Variants in AMPD3 observed in about 807,000 individuals in gnomAD.
AMPD3 encodes the protein AMP deaminase 3.
Under a neutral mutation model 82.3 loss-of-function variants are expected in AMPD3, and 57 were observed. The observed-to-expected ratio is 0.69, with a 90% CI of 0.56 to 0.86. The LOEUF is 0.86. Among genes scored for constraint, AMPD3 ranks in the 40% least tolerant of loss-of-function variants. The pLI, the probability that AMPD3 is intolerant of heterozygous loss-of-function variation, is 0.00. For synonymous variants in AMPD3, 381 were observed against 394.7 expected, an observed-to-expected ratio of 0.97 and a Z score of 0.41; for missense variants, 870 against 1,003.8, an observed-to-expected ratio of 0.87 and a Z score of 1.80.
At chr11:10,494,704 C>T in intron 7 of AMPD3, 195 bp from the exon 8 acceptor site, 5 of 985,352 alleles carry the variant, frequency 5.1e-6, no homozygotes, top group Non-Finnish European at 6.0e-6. Context: ...GGGGCCTTGC[C>T]AAAGGATCCC....
At chr11:10,464,070 G>A (rs1157343044) in intron 2 of AMPD3, among the ~76,000 whole-genome samples, 1 of 152,180 alleles carries the variant, frequency 6.6e-6, no homozygotes, top group Admixed American at 6.5e-5. Flanking sequence ...TCTATAAAGT[G>A]GAGATGCTAA....
At chr11:10,484,789 C>T in intron 4 of AMPD3, 31 bp from the exon 5 acceptor site, 2 of 1,609,624 alleles carry the variant, frequency 1.2e-6, no homozygotes, top group Non-Finnish European at 1.7e-6. Flanking sequence ...AGGTCAGGGG[C>T]ACTTTGCCAT....
intron 5 of AMPD3, 26 bp from the exon 6 acceptor site, chr11:10,487,208 TG>T: frequency 6.2e-7 from 1 of 1,613,770 alleles, no homozygotes; most frequent in Non-Finnish European, 8.5e-7. Flanking sequence ...GACTCAACTA[TG>T]GTCTCTCCCC....
chr11:10,475,180 T>C (rs1848702826), intron 2 of AMPD3, among the ~76,000 whole-genome samples: 1 of 152,086 alleles, frequency 6.6e-6, no homozygotes, highest in African/African-American at 2.4e-5. Flanking sequence ...GCGTCTTACA[T>C]GGTGGGAGCA....
rs200399571 is a variant in AMPD3, at chr11:10,505,865, T to C, written c.2285T>C (p.Ile762Thr). The C allele has an allele frequency of 6.2e-6, 10 of 1,614,120 alleles. No individual in the cohort carries two copies. The East Asian group carries it at 2.2e-4, about 36-fold the overall frequency. The change falls in exon 15 of 15, where the codon ATC becomes ACC. Residue 762 changes from isoleucine (I) to threonine (T), a missense_variant. By Grantham distance (89) the Ile-to-Thr change is moderately conservative. Coordinates refer to ENST00000396553, the MANE Select transcript of AMPD3 (RefSeq NM_001025389.2). The part of the protein sequence containing the change: ...FLSDAMKSEE[I>T]TALTN ...TCTGATGCTATGAAATCAGAAGAGA[T>C]CACCGCCTTGACCAACTAGGTCCAG...
Position 10,456,528 on chromosome 11 carries a change from C to T in AMPD3, c.-6+1080C>T. The T allele has an allele frequency of 6.2e-7, 1 of 1,605,080 alleles. No individual in the cohort carries two copies. The highest frequency in any genetic ancestry group is 8.5e-7 in the Non-Finnish European group (1 of 1,175,502). The stretch of plus-strand genomic sequence containing the variant: ...GGGACTGTGGCACCATGAAAAGTTA[C>T]TGTTTGTTGAAACTGGCAGTGTTTT... On this transcript the variant is annotated intron_variant, in intron 1 of 14. Transcript: ENST00000396553. This position sits in a 1 kb window ranked among gnomAD's most constrained non-coding sequence, Gnocchi z 4.3.
At chr11:10,469,423 A>T (rs1471725724) in intron 2 of AMPD3, among the ~76,000 whole-genome samples, 1 of 152,234 alleles carries the variant, frequency 6.6e-6, no homozygotes, top group East Asian at 1.9e-4. Context: ...CTGGATGCAT[A>T]CACTCTCCCA....
At chr11:10,493,248 A>G (rs1849291503) in intron 6 of AMPD3, 101 bp from the exon 7 acceptor site, 1 of 1,392,324 alleles carries the variant, frequency 7.2e-7, no homozygotes, top group Non-Finnish European at 1.0e-6. Flanking sequence ...CGGATGGCCC[A>G]TGAGGTGCTG....
intron 13 of AMPD3, 38 bp from the exon 14 acceptor site, chr11:10,504,511 C>A (rs773058012): frequency 6.4e-7 from 1 of 1,574,766 alleles, no homozygotes; most frequent in South Asian, 1.1e-5. Flanking sequence ...ACATGGATAT[C>A]CCCCCTTCTA....
Position 10,456,698 on chromosome 11 carries a change from T to C in AMPD3, c.-6+1250T>C, listed in dbSNP as rs1164591388. ...CCTGCTGGCTTCAGCTGACAAAGGGTTGGAAGCCAGGCGTGAACATGCAGC... is the reference window on the plus strand; with the variant it reads ...CCTGCTGGCTTCAGCTGACAAAGGGCTGGAAGCCAGGCGTGAACATGCAGC... On this transcript the variant is annotated intron_variant, in intron 1 of 14. Coordinates refer to ENST00000396553, the MANE Select transcript of AMPD3 (RefSeq NM_001025389.2). This position sits in a 1 kb window ranked among gnomAD's most constrained non-coding sequence, Gnocchi z 4.3. The C allele has an allele frequency of 2.2e-5, 18 of 820,792 alleles. No homozygotes were observed. Among genetic ancestry groups the C allele is most frequent in the Non-Finnish European group, 2.6e-5 (18 of 679,848 alleles). 50.8% of individuals were successfully genotyped at this position (820,792 alleles called of 1,614,324 possible).
chr11:10,504,728 C>A, intron 14 of AMPD3, 69 bp downstream of exon 14: 1 of 1,405,922 alleles, frequency 7.1e-7, no homozygotes, highest in Non-Finnish European at 1.0e-6. Flanking sequence ...AGGAGCCTTC[C>A]AGGCACTGGG....
In AMPD3 at chr11:10,456,675, T is replaced by A; in HGVS notation, c.-6+1227T>A. On this transcript the variant is annotated intron_variant, in intron 1 of 14. Transcript: ENST00000396553. The surrounding 1 kb of genome is among the most constrained non-coding windows in gnomAD (Gnocchi z 4.3). ...AATTCACAGCTAAGCCTCCCAAGCCTGCTGGCTTCAGCTGACAAAGGGTTG... is the reference window on the plus strand; with the variant it reads ...AATTCACAGCTAAGCCTCCCAAGCCAGCTGGCTTCAGCTGACAAAGGGTTG... The A allele has an allele frequency of 1.1e-6, 1 of 940,316 alleles. No individual in the cohort carries two copies. The highest frequency in any genetic ancestry group is 1.3e-6 in the Non-Finnish European group (1 of 788,920). The allele number at this position is 940,316 out of a possible 1,614,324, so 58.2% of individuals were successfully genotyped here.
At chr11:10,455,805 G>A in intron 1 of AMPD3, 1 of 584,870 alleles carries the variant, frequency 1.7e-6, no homozygotes, top group Non-Finnish European at 2.2e-6. Context: ...GTTATGGGGT[G>A]CCCTTGGGAG....
chr11:10,455,818 C>T, intron 1 of AMPD3: 1 of 812,852 alleles, frequency 1.2e-6, no homozygotes, highest in Middle Eastern at 6.4e-4. Context: ...CTTGGGAGGG[C>T]TGCTTTAGGG....
At chr11:10,473,922 T>C (rs1018567933) in intron 2 of AMPD3, among the ~76,000 whole-genome samples, 1 of 152,134 alleles carries the variant, frequency 6.6e-6, no homozygotes, top group African/African-American at 2.4e-5. Context: ...GATTCCAACC[T>C]TTATTTTAGC....
Position 10,482,048 on chromosome 11 carries a change from G to A in AMPD3, c.427-15G>A, listed in dbSNP as rs778716028. On this transcript the variant is annotated splice_polypyrimidine_tract_variant and intron_variant, in intron 3 of 14. Transcript: ENST00000396553. ...CTGCTGCATGAACCCTTTCCTGCCTGCCTCCCTTCTGCAGATCACTTTGGA... is the reference window on the plus strand; with the variant it reads ...CTGCTGCATGAACCCTTTCCTGCCTACCTCCCTTCTGCAGATCACTTTGGA... 6.8e-6 allele frequency: 11 copies of A among 1,614,098 alleles called. No individual in the cohort carries two copies. Among genetic ancestry groups the A allele is most frequent in the Non-Finnish European group, 9.3e-6 (11 of 1,180,048 alleles).
chr11:10,495,965 C>T (rs1849387519), intron 9 of AMPD3, among the ~76,000 whole-genome samples: 1 of 146,888 alleles, frequency 6.8e-6, no homozygotes, highest in South Asian at 2.1e-4. Flanking sequence ...CACCCAGGCT[C>T]TGAGTGCAGT....
At chr11:10,488,282 G>A (rs764789996) in intron 6 of AMPD3, 1 of 985,450 alleles carries the variant, frequency 1.0e-6, no homozygotes, top group Non-Finnish European at 1.2e-6. Context: ...TGCTAGGCAG[G>A]GGGTGTTTGA....
Position 10,500,172 on chromosome 11 carries a change from C to T in AMPD3, c.1644C>T (p.Thr548=). The stretch of plus-strand genomic sequence containing the variant: ...AGAGCCCAAACCCGGACGTCTGGAC[C>T]AGTGAGCAGAACCCACCCTACAGCT... ...SDKSPNPDVW[T]SEQNPPYSYY... The change falls in exon 11 of 15, where the codon ACC becomes ACT. Residue 548 remains threonine, a synonymous_variant. Coordinates refer to ENST00000396553, the MANE Select transcript of AMPD3 (RefSeq NM_001025389.2). 1 of 1,614,246 alleles carries T rather than the reference C, an allele frequency of 6.2e-7. No individual in the cohort carries two copies. Among genetic ancestry groups the T allele is most frequent in the Non-Finnish European group, 8.5e-7 (1 of 1,180,050 alleles).
Sources: gnomAD v4.1 joint callset for allele counts (sites outside exome capture counted in the v4.1 genomes callset) on GRCh38, gnomAD v4.1.1 for gene constraint, Gnocchi (gnomAD v3.1) non-coding constraint, MANE v1.5 for transcripts, NCBI Gene and HGNC (gene_info 2026-07-23, HGNC 2026-07-21) for gene names.